SLC6A11: variants seen among roughly 807,000 people sequenced by gnomAD.
SLC6A11 encodes the protein sodium- and chloride-dependent GABA transporter 3.
A neutral mutation model predicts 74.8 loss-of-function variants in SLC6A11; 25 were observed. The observed-to-expected ratio is 0.33, with a 90% CI of 0.24 to 0.47. SLC6A11 has a LOEUF of 0.47. Ranked by LOEUF, SLC6A11 falls within the 20% of genes least tolerant of loss-of-function variation. The probability of loss-of-function intolerance (pLI) is 1.00; values close to 1 mark genes in which losing one functional copy is unlikely to be tolerated. For synonymous variants in SLC6A11, 330 were observed against 330.2 expected (o/e 1.00, Z 0.01); for missense variants, 574 against 837.0 (o/e 0.69, Z 3.88).
At chr3:10,905,322 G>A (rs940245833) in intron 6 of SLC6A11, among the ~76,000 whole-genome samples, 2 of 152,202 alleles carry the variant, frequency 1.3e-5, no homozygotes, top group African/African-American at 4.8e-5. Flanking sequence ...GGGAGTGAAG[G>A]CAACCCTCAG....
At chr3:10,923,918 G>A (rs1695568178) in intron 8 of SLC6A11, among the ~76,000 whole-genome samples, 1 of 152,034 alleles carries the variant, frequency 6.6e-6, no homozygotes, top group Non-Finnish European at 1.5e-5. Context: ...TGGTTTTCTA[G>A]CCAAAAGATG....
intron 6 of SLC6A11, among the ~76,000 whole-genome samples, chr3:10,879,775 A>G (rs556991722): frequency 3.3e-5 from 5 of 152,206 alleles, no homozygotes; most frequent in Admixed American, 1.3e-4. Context: ...ATATACATAC[A>G]TACATATATA....
At chr3:10,867,293 C>T (rs2071689693) in intron 5 of SLC6A11, among the ~76,000 whole-genome samples, 1 of 152,174 alleles carries the variant, frequency 6.6e-6, no homozygotes, top group Admixed American at 6.5e-5. Context: ...CAGAGTGCAG[C>T]ATGTGTGCTG....
At chr3:10,873,987 G>A (rs1020599329) in intron 5 of SLC6A11, among the ~76,000 whole-genome samples, 1 of 132,236 alleles carries the variant, frequency 7.6e-6, no homozygotes, top group Non-Finnish European at 1.5e-5. Context: ...GCTACGCTAC[G>A]CTACGCTATG....
intron 5 of SLC6A11, among the ~76,000 whole-genome samples, chr3:10,853,361 C>T (rs549195808): frequency 1.7e-4 from 26 of 152,308 alleles, no homozygotes; most frequent in Admixed American, 4.6e-4. Context: ...GCTGCAGGGG[C>T]ACCCCCGCTT....
intron 9 of SLC6A11, among the ~76,000 whole-genome samples, chr3:10,927,929 T>G (rs1233407256): frequency 1.3e-5 from 2 of 152,142 alleles, no homozygotes; most frequent in African/African-American, 2.4e-5. Context: ...CCTCCCTCCC[T>G]CAAGGCAGGG....
At chr3:10,843,812 T>C (rs1694468076) in intron 4 of SLC6A11, among the ~76,000 whole-genome samples, 1 of 152,130 alleles carries the variant, frequency 6.6e-6, no homozygotes, top group African/African-American at 2.4e-5. Context: ...GGCCAAACAA[T>C]GTTCAAAGCA....
chr3:10,851,902 C>T (rs1395947347), intron 5 of SLC6A11, among the ~76,000 whole-genome samples: 2 of 152,196 alleles, frequency 1.3e-5, no homozygotes, highest in African/African-American at 4.8e-5. Context: ...CTGCAGGAGG[C>T]TCCTCCCCTC....
intron 6 of SLC6A11, among the ~76,000 whole-genome samples, chr3:10,884,242 G>A (rs41469944): frequency 0.03 from 4,561 of 152,238 alleles, 121 homozygotes; most frequent in East Asian, 0.11. Context: ...AGGTTGAAAC[G>A]CTGCTTGGGT....
intron 5 of SLC6A11, among the ~76,000 whole-genome samples, chr3:10,864,857 T>C (rs991973014): frequency 6.6e-6 from 1 of 152,138 alleles, no homozygotes; most frequent in African/African-American, 2.4e-5. Context: ...CAGAGGTCTT[T>C]CTTATCTCTG....
intron 6 of SLC6A11, among the ~76,000 whole-genome samples, chr3:10,902,882 A>G (rs1695258124): frequency 6.6e-6 from 1 of 152,246 alleles, no homozygotes; most frequent in South Asian, 2.1e-4. Context: ...AAGTAAATGG[A>G]CAAGTGACTT....
intron 6 of SLC6A11, among the ~76,000 whole-genome samples, chr3:10,889,087 T>C (rs950128839): frequency 2.6e-5 from 4 of 152,118 alleles, no homozygotes; most frequent in Non-Finnish European, 5.9e-5. Context: ...TTAAGTATAG[T>C]TTTTTTAGAT....
intron 7 of SLC6A11, among the ~76,000 whole-genome samples, chr3:10,917,136 AAC>A (rs764368708): frequency 2.6e-5 from 4 of 152,310 alleles, no homozygotes; most frequent in Non-Finnish European, 4.4e-5. Context: ...TGGAATGTGT[AAC>A]ACAGAACAAA....
At chr3:10,817,143 C>T (rs974839151) in intron 1 of SLC6A11, among the ~76,000 whole-genome samples, 3 of 152,186 alleles carry the variant, frequency 2.0e-5, no homozygotes, top group African/African-American at 4.8e-5. Context: ...CGAGGCATTG[C>T]TCTATGGTTT....
chr3:10,834,378 A>G (rs758897767), intron 4 of SLC6A11, among the ~76,000 whole-genome samples: 1 of 149,480 alleles, frequency 6.7e-6, no homozygotes, highest in African/African-American at 2.5e-5. Flanking sequence ...GATGGGGAAT[A>G]TATTTCATAG....
rs779133280 is a variant in SLC6A11 at position 10,844,264 on chromosome 3, G to A, written c.674G>A (p.Arg225His). 20 of 1,614,200 alleles carry A rather than the reference G, an allele frequency of 1.2e-5. No homozygotes were observed. Among genetic ancestry groups the A allele is most frequent in the East Asian group, 2.2e-5 (1 of 44,874 alleles). Reference sequence around the variant, plus strand: ...GGGATCGAGCACATCGGGAACCTTCGCTGGGAGCTGGCCTTGTGTCTCTTG... The same window carrying A: ...GGGATCGAGCACATCGGGAACCTTCACTGGGAGCTGGCCTTGTGTCTCTTG... ...SDGIEHIGNLRWELALCLLAA... is the reference protein window; with the variant it reads ...SDGIEHIGNLHWELALCLLAA... Residue 225 changes from arginine (R) to histidine (H), a missense_variant, in exon 5 of 14, where the codon CGC becomes CAC. Arg to His is a conservative substitution (Grantham distance 29). Coordinates refer to ENST00000254488, the MANE Select transcript of SLC6A11 (RefSeq NM_014229.3).
intron 4 of SLC6A11, among the ~76,000 whole-genome samples, chr3:10,826,168 A>T (rs552482767): frequency 6.6e-6 from 1 of 152,352 alleles, no homozygotes; most frequent in East Asian, 1.9e-4. Context: ...CCATTTGTTT[A>T]TGTCTTTTAA....
chr3:10,876,781 AGAG>A (rs535687052), intron 6 of SLC6A11, among the ~76,000 whole-genome samples: 2,399 of 110,748 alleles, frequency 0.022, 112 homozygotes, highest in African/African-American at 0.086. Flanking sequence ...AGAGAGAGAG[AGAG>A]AAAAAAAAAA....
intron 6 of SLC6A11, among the ~76,000 whole-genome samples, chr3:10,890,483 T>C (rs1695094857): frequency 6.6e-6 from 1 of 152,248 alleles, no homozygotes; most frequent in African/African-American, 2.4e-5. Flanking sequence ...GGAAAGGGTC[T>C]ATCCCTGAGT....
Sources: allele counts gnomAD v4.1 joint callset (sites outside exome capture counted in the v4.1 genomes callset), GRCh38; gene constraint gnomAD v4.1.1; transcripts MANE v1.5; gene names NCBI Gene and HGNC (gene_info 2026-07-23, HGNC 2026-07-21).